The following ANKRD36B variants were observed in gnomAD, a reference collection of about 807,000 sequenced individuals.
The protein encoded by ANKRD36B is ankyrin repeat domain 36B.
Under a neutral mutation model 135.7 loss-of-function variants are expected in ANKRD36B, and 37 were observed. The ratio of observed to expected loss-of-function variants is 0.27; its 90% confidence interval spans 0.21 to 0.36. The LOEUF (loss-of-function observed/expected upper bound fraction) is 0.36. Among genes scored for constraint, ANKRD36B ranks in the 10% least tolerant of loss-of-function variants. ANKRD36B has a pLI of 1.00. For missense variants in ANKRD36B, 549 were observed against 1,037.1 expected, an observed-to-expected ratio of 0.53 and a Z score of 6.46; for synonymous variants, 179 against 348.1, an observed-to-expected ratio of 0.51 and a Z score of 5.41.
At chr2:97,557,792 G>A (rs1005162086) in intron 10 of ANKRD36B, among the ~76,000 whole-genome samples, 6 of 151,460 alleles carry the variant, frequency 4.0e-5, no homozygotes, top group Non-Finnish European at 8.8e-5. Flanking sequence ...ATCCACTCGT[G>A]GCAACAAATA....
At chr2:97,551,202 C>T in intron 18 of ANKRD36B, 87 bp downstream of exon 18, 3 of 1,497,768 alleles carry the variant, frequency 2.0e-6, no homozygotes, top group Non-Finnish European at 2.7e-6. Flanking sequence ...GAATGTGCAG[C>T]TTCGACCAGC....
At chr2:97,581,792 CATTTATTT>C (rs747453435) in intron 3 of ANKRD36B, among the ~76,000 whole-genome samples, 6 of 151,880 alleles carry the variant, frequency 4.0e-5, no homozygotes, top group East Asian at 1.9e-4. Context: ...TTATTTGCAT[CATTTATTT>C]ATTTATTTAT....
At chr2:97,506,659 G>A (rs559126430) in intron 43 of ANKRD36B, among the ~76,000 whole-genome samples, 2 of 93,118 alleles carry the variant, frequency 2.1e-5, no homozygotes, top group African/African-American at 5.1e-5. Flanking sequence ...TATCACACGA[G>A]TGTGGGGTCT....
chr2:97,563,949 T>C (rs865781962), intron 6 of ANKRD36B, among the ~76,000 whole-genome samples: 1 of 151,814 alleles, frequency 6.6e-6, no homozygotes, highest in African/African-American at 2.4e-5. Flanking sequence ...CATTAGATCA[T>C]ACAATAAATC....
intron 14 of ANKRD36B, among the ~76,000 whole-genome samples, chr2:97,554,229 T>C (rs906580767): frequency 1.3e-5 from 2 of 151,958 alleles, no homozygotes; most frequent in Non-Finnish European, 2.9e-5. Context: ...GTTTTTAAAA[T>C]TGTCTTGTTA....
At chr2:97,566,562 T>C (rs2081447652) in intron 6 of ANKRD36B, among the ~76,000 whole-genome samples, 2 of 152,138 alleles carry the variant, frequency 1.3e-5, no homozygotes, top group African/African-American at 4.8e-5. Flanking sequence ...AAGAAGAATA[T>C]ATTATCAAAA....
intron 16 of ANKRD36B, among the ~76,000 whole-genome samples, chr2:97,552,075 A>C (rs1173766100): frequency 6.6e-6 from 1 of 151,948 alleles, no homozygotes; most frequent in African/African-American, 2.4e-5. Flanking sequence ...ATGTGGTGTA[A>C]TAATTTGCCT....
intron 3 of ANKRD36B, among the ~76,000 whole-genome samples, chr2:97,581,031 A>G (rs1405261523): frequency 8.5e-6 from 1 of 117,256 alleles, no homozygotes; most frequent in Non-Finnish European, 1.6e-5. Context: ...ATTCCAAAGG[A>G]TATTTACTTT....
intron 20 of ANKRD36B, among the ~76,000 whole-genome samples, chr2:97,548,814 C>T (rs1392907328): frequency 6.6e-6 from 1 of 151,928 alleles, no homozygotes; most frequent in Non-Finnish European, 1.5e-5. Flanking sequence ...TCCAGCAGTT[C>T]CTGCAGCAGC....
At chr2:97,565,582 C>G (rs2081364360) in intron 6 of ANKRD36B, among the ~76,000 whole-genome samples, 1 of 124,176 alleles carries the variant, frequency 8.1e-6, no homozygotes, top group South Asian at 2.2e-4. Context: ...ATTTATGCAG[C>G]CAACAAACAT....
At chr2:97,532,119 T>A (rs1278594633) in intron 35 of ANKRD36B, among the ~76,000 whole-genome samples, 192 bp downstream of exon 35, 2 of 97,548 alleles carry the variant, frequency 2.1e-5, no homozygotes, top group East Asian at 2.3e-4. Flanking sequence ...GAGTAAAGAT[T>A]AGATACAAGT....
intron 6 of ANKRD36B, among the ~76,000 whole-genome samples, chr2:97,573,621 C>T (rs1185610405): frequency 1.3e-5 from 2 of 152,176 alleles, no homozygotes; most frequent in Non-Finnish European, 2.9e-5. Flanking sequence ...AGGCATCACG[C>T]TACCTGACTT....
intron 35 of ANKRD36B, among the ~76,000 whole-genome samples, chr2:97,527,998 A>T (rs2078316173): frequency 1.0e-5 from 1 of 96,022 alleles, no homozygotes; most frequent in East Asian, 2.3e-4. Flanking sequence ...GATCAACGAG[A>T]CACAAAGTTA....
intron 6 of ANKRD36B, among the ~76,000 whole-genome samples, chr2:97,565,491 A>T (rs113568321): frequency 8.2e-3 from 1,042 of 127,220 alleles, no homozygotes; most frequent in Non-Finnish European, 8.6e-3. Context: ...CAAGGAACTT[A>T]AATAAATTTA....
At chr2:97,556,838 A>C (rs1223491370) in intron 12 of ANKRD36B, 99 bp downstream of exon 12, 25 of 1,499,438 alleles carry the variant, frequency 1.7e-5, no homozygotes, top group Non-Finnish European at 2.2e-5. Context: ...GCTGAATCAG[A>C]AAGTGCATTT....
chr2:97,546,963 A>G (rs1228920407), intron 22 of ANKRD36B, among the ~76,000 whole-genome samples: 1 of 151,672 alleles, frequency 6.6e-6, no homozygotes, highest in Non-Finnish European at 1.5e-5. Context: ...CCAAAATCAA[A>G]TAACTTTTAT....
rs1219149135 is a variant in ANKRD36B, at chr2:97,545,709, C to T, written c.1638G>A (p.Pro546=). 1.1e-5 allele frequency: 11 copies of T among 961,866 alleles called. 3 individuals are homozygous for T. The highest frequency in any genetic ancestry group is 8.5e-5 in the Admixed American group (4 of 46,916). The allele number at this position is 961,866 out of a possible 1,614,324, so 59.6% of individuals were successfully genotyped here. Residue 546 remains proline (P), a synonymous_variant, in exon 24 of 44, where the codon CCG becomes CCA. Transcript: ENST00000359901. ...KATSDKEDSV[P]NMATETKDEQ... is the part of the protein sequence containing the mutation. ...CATCCTTTGTTTCTGTGGCCATATT[C>T]GGAACAGAATCTTCCTTGTCACTTG...
chr2:97,514,957 G>A lies in ANKRD36B; in HGVS notation c.2621+775C>T, dbSNP rs372501932. On this transcript the variant is annotated intron_variant, in intron 37 of 43. Transcript: ENST00000359901. Reference sequence around the variant, plus strand: ...TCTCCTACTATCACTGGGCTGGAGTGCACTGGTGCAATCTCTGCTCACTGC... The same window carrying A: ...TCTCCTACTATCACTGGGCTGGAGTACACTGGTGCAATCTCTGCTCACTGC... 0.013 allele frequency among the ~76,000 whole-genome samples: 986 copies of A among 77,334 alleles called. 260 individuals carry two copies. The East Asian group carries it at 0.14, about 11-fold the overall frequency. The allele number at this position is 77,334 out of a possible 152,430, so 50.7% of individuals were successfully genotyped here. A position where few individuals can be genotyped will look rare whatever the true frequency, so the allele number is the denominator to read the frequency against.
At chr2:97,558,261 C>T (rs1230384892) in intron 10 of ANKRD36B, among the ~76,000 whole-genome samples, 1 of 152,016 alleles carries the variant, frequency 6.6e-6, no homozygotes, top group Non-Finnish European at 1.5e-5. Context: ...CAAAAATGTT[C>T]GAATATGCAA....
Sources: gnomAD v4.1 joint callset for allele counts (sites outside exome capture counted in the v4.1 genomes callset) on GRCh38, gnomAD v4.1.1 for gene constraint, MANE v1.5 for transcripts, NCBI Gene and HGNC (gene_info 2026-07-23, HGNC 2026-07-21) for gene names.